NEMP2: variants seen among roughly 807,000 people sequenced by gnomAD.
The protein encoded by NEMP2 is UPF0571 transmembrane protein.
A neutral mutation model predicts 54.2 loss-of-function variants in NEMP2; 53 were observed. The observed-to-expected ratio is 0.98, with a 90% CI of 0.78 to 1.23. The LOEUF (loss-of-function observed/expected upper bound fraction) is 1.23. Among genes scored for constraint, NEMP2 ranks in the 50% most tolerant of loss-of-function variants. The probability of loss-of-function intolerance (pLI) is 0.00; values close to 1 mark genes in which losing one functional copy is unlikely to be tolerated. For missense variants in NEMP2, 455 were observed against 511.3 expected, an observed-to-expected ratio of 0.89 and a Z score of 1.06; for synonymous variants, 197 against 190.3, an observed-to-expected ratio of 1.04 and a Z score of -0.29.
chr2:190,425,462 A>G, the NEMP2 span, among the ~76,000 whole-genome samples: 1 of 152,146 alleles, frequency 6.6e-6, no homozygotes, highest in Non-Finnish European at 1.5e-5. This position sits in a 1 kb window ranked among gnomAD's most constrained non-coding sequence, Gnocchi z 4.3. Flanking sequence ...AGTGTTACCC[A>G]TGGGTTTCCG....
the NEMP2 span, among the ~76,000 whole-genome samples, chr2:190,574,463 A>T: frequency 6.6e-6 from 1 of 152,218 alleles, no homozygotes; most frequent in Non-Finnish European, 1.5e-5. Context: ...TAATGGATTT[A>T]TTGAGATATA....
chr2:190,450,566 C>A, the NEMP2 span, among the ~76,000 whole-genome samples: 1 of 140,378 alleles, frequency 7.1e-6, no homozygotes, highest in Admixed American at 7.5e-5. Flanking sequence ...AATCTCAGCT[C>A]ACTGCAGCCT....
At position 190,513,297 on chromosome 2, in the gene NEMP2, A is replaced by G. The variant is rs549230444; in HGVS notation, c.953+1156T>C. Reference sequence around the variant, plus strand: ...CGTAATTCCCATTTCCAATTTTTCTAGAAAACCAGCAGATCTGGCAATACA... The same window carrying G: ...CGTAATTCCCATTTCCAATTTTTCTGGAAAACCAGCAGATCTGGCAATACA... On this transcript the variant is annotated intron_variant, in intron 7 of 8. Transcript: ENST00000409150. This position sits in a 1 kb window ranked among gnomAD's most constrained non-coding sequence, Gnocchi z 5.3. 3.9e-4 allele frequency among the ~76,000 whole-genome samples: 59 copies of G among 152,366 alleles called. No homozygotes were observed. Among genetic ancestry groups the G allele is most frequent in the African/African-American group, 1.4e-3 (58 of 41,586 alleles).
chr2:190,443,430 A>G, the NEMP2 span, among the ~76,000 whole-genome samples: 1 of 152,226 alleles, frequency 6.6e-6, no homozygotes, highest in Non-Finnish European at 1.5e-5. This position sits in a 1 kb window ranked among gnomAD's most constrained non-coding sequence, Gnocchi z 4.2. Context: ...AGCATAGATT[A>G]GGAGTTCAGC....
At chr2:190,460,494 T>C in the NEMP2 span, among the ~76,000 whole-genome samples, 5 of 152,230 alleles carry the variant, frequency 3.3e-5, no homozygotes, top group African/African-American at 1.2e-4. Flanking sequence ...TTAATTGATA[T>C]TCTATTTGAA....
chr2:190,456,285 C>A, the NEMP2 span, among the ~76,000 whole-genome samples: 1 of 152,080 alleles, frequency 6.6e-6, no homozygotes, highest in South Asian at 2.1e-4. The surrounding 1 kb of genome is among the most constrained non-coding windows in gnomAD (Gnocchi z 5.4). Context: ...ACTTAAATTT[C>A]ACTTCAGACA....
chr2:190,600,308 T>G, the NEMP2 span, among the ~76,000 whole-genome samples: 29 of 152,044 alleles, frequency 1.9e-4, no homozygotes, highest in Non-Finnish European at 3.5e-4. This position sits in a 1 kb window ranked among gnomAD's most constrained non-coding sequence, Gnocchi z 4.9. Context: ...GGGGACTCAG[T>G]AGAGTAGAGT....
chr2:190,612,445 CG>C, the NEMP2 span, among the ~76,000 whole-genome samples: 2 of 152,072 alleles, frequency 1.3e-5, no homozygotes, highest in Admixed American at 6.6e-5. Flanking sequence ...TGAGCCACTG[CG>C]CCCGGCCACA....
chr2:190,443,418 C>A, the NEMP2 span, among the ~76,000 whole-genome samples: 6 of 152,112 alleles, frequency 3.9e-5, no homozygotes, highest in African/African-American at 1.4e-4. The surrounding 1 kb of genome is among the most constrained non-coding windows in gnomAD (Gnocchi z 4.2). Flanking sequence ...TCAACAATGA[C>A]CAGCATAGAT....
At chr2:190,468,992 G>C in the NEMP2 span, among the ~76,000 whole-genome samples, 1 of 152,110 alleles carries the variant, frequency 6.6e-6, no homozygotes, top group Admixed American at 6.6e-5. Context: ...ATCCAGTTCA[G>C]AACGAGAGAC....
chr2:190,607,776 A>C, the NEMP2 span: 2 of 152,154 alleles, frequency 1.3e-5, no homozygotes, highest in Non-Finnish European at 2.9e-5. This position sits in a 1 kb window ranked among gnomAD's most constrained non-coding sequence, Gnocchi z 5.2. Context: ...TTCCAGGTAA[A>C]ATTACAAAGG....
chr2:190,431,433 G>A, the NEMP2 span, among the ~76,000 whole-genome samples: 6 of 152,216 alleles, frequency 3.9e-5, no homozygotes, highest in African/African-American at 1.2e-4. The surrounding 1 kb of genome is among the most constrained non-coding windows in gnomAD (Gnocchi z 4.4). Context: ...CTGAGTGAAC[G>A]AGACTCCGTC....
At chr2:190,647,542 A>G in the NEMP2 span, among the ~76,000 whole-genome samples, 3 of 152,108 alleles carry the variant, frequency 2.0e-5, no homozygotes, top group African/African-American at 7.2e-5. Flanking sequence ...ATGGGATTCT[A>G]CCTGTCTTTG....
the NEMP2 span, among the ~76,000 whole-genome samples, chr2:190,470,966 G>A: frequency 6.6e-6 from 1 of 152,002 alleles, no homozygotes; most frequent in African/African-American, 2.4e-5. Context: ...GCTAGTAAAA[G>A]GAGATTCTGT....
At chr2:190,638,869 CAGT>C in the NEMP2 span, among the ~76,000 whole-genome samples, 3 of 152,152 alleles carry the variant, frequency 2.0e-5, no homozygotes. This position sits in a 1 kb window ranked among gnomAD's most constrained non-coding sequence, Gnocchi z 5.7. Context: ...AGCACTGGAC[CAGT>C]TTGGCACCTG....
the NEMP2 span, chr2:190,489,698 C>T: frequency 5.7e-3 from 8,036 of 1,403,524 alleles, 386 homozygotes; most frequent in African/African-American, 0.097. The surrounding 1 kb of genome is among the most constrained non-coding windows in gnomAD (Gnocchi z 6.6). Flanking sequence ...CTTTAGAAAA[C>T]TGATGGTTTT....
the NEMP2 span, among the ~76,000 whole-genome samples, chr2:190,552,129 G>T: frequency 6.6e-6 from 1 of 152,278 alleles, no homozygotes; most frequent in South Asian, 2.1e-4. Context: ...ACCTACCCAC[G>T]TGTTTCCCAG....
chr2:190,437,392 T>C, the NEMP2 span: 9 of 1,614,226 alleles, frequency 5.6e-6, no homozygotes, highest in Non-Finnish European at 7.6e-6. The surrounding 1 kb of genome is among the most constrained non-coding windows in gnomAD (Gnocchi z 5.9). Flanking sequence ...GTTTGTGGCT[T>C]GGTTCATGGG....
chr2:190,549,802 T>G, the NEMP2 span, among the ~76,000 whole-genome samples: 1 of 152,164 alleles, frequency 6.6e-6, no homozygotes, highest in Non-Finnish European at 1.5e-5. Flanking sequence ...GAATCCGTCA[T>G]GTCTCCAAAA....
Sources: allele counts gnomAD v4.1 joint callset (sites outside exome capture counted in the v4.1 genomes callset), GRCh38; gene constraint gnomAD v4.1.1; non-coding constraint Gnocchi (gnomAD v3.1); transcripts MANE v1.5; gene names NCBI Gene and HGNC (gene_info 2026-07-23, HGNC 2026-07-21).